Variants in C12orf42 observed in about 807,000 individuals in gnomAD.
The protein encoded by C12orf42 is uncharacterized protein C12orf42.
Under a neutral mutation model 21.6 loss-of-function variants are expected in C12orf42, and 25 were observed. That is an observed-to-expected ratio of 1.16 (90% CI 0.84 to 1.62). C12orf42 has a LOEUF of 1.62. C12orf42 is among the 40% of genes most tolerant of loss of function. C12orf42 has a pLI of 0.00. For synonymous variants in C12orf42, 174 were observed against 175.0 expected, an observed-to-expected ratio of 0.99 and a Z score of 0.05; for missense variants, 483 against 459.3, an observed-to-expected ratio of 1.05 and a Z score of -0.47.
At chr12:103,440,986 T>C (rs1006094323) in intron 2 of C12orf42, among the ~76,000 whole-genome samples, 1 of 152,228 alleles carries the variant, frequency 6.6e-6, no homozygotes, top group Non-Finnish European at 1.5e-5. Flanking sequence ...AATTTGGGAA[T>C]ATTAACACAT....
chr12:103,145,764 A>T, the C12orf42 span, among the ~76,000 whole-genome samples: 2,006 of 152,344 alleles, frequency 0.013, 21 homozygotes, highest in Middle Eastern at 0.031. Context: ...ACTATGGTAC[A>T]TCAAAATGAT....
chr12:103,238,717 C>T (rs1458020087), intron 10 of C12orf42, among the ~76,000 whole-genome samples: 1 of 152,088 alleles, frequency 6.6e-6, no homozygotes, highest in Non-Finnish European at 1.5e-5. Context: ...GGAATGAAGG[C>T]CCTATGAGTG....
chr12:103,309,280 C>T (rs2038708510), intron 4 of C12orf42, among the ~76,000 whole-genome samples: 1 of 152,174 alleles, frequency 6.6e-6, no homozygotes, highest in Non-Finnish European at 1.5e-5. Flanking sequence ...CTTCCTCTTC[C>T]TCCTCAGCCT....
chr12:103,270,107 G>A (rs2035371580), intron 5 of C12orf42: 1 of 152,058 alleles, frequency 6.6e-6, no homozygotes, highest in African/African-American at 2.4e-5. Flanking sequence ...ATTTTGAGCA[G>A]GGGAGCCATA....
chr12:103,326,766 C>T (rs992393935), intron 4 of C12orf42, among the ~76,000 whole-genome samples: 1 of 152,178 alleles, frequency 6.6e-6, no homozygotes, highest in Non-Finnish European at 1.5e-5. Flanking sequence ...TAAAATGACA[C>T]CTCTGAACTG....
rs764782955 is a variant in C12orf42, at chr12:103,302,413, C to A, written c.778G>T (p.Asp260Tyr). The change falls in exon 6 of 6, where the codon GAC becomes TAC. Residue 260 changes from aspartate to tyrosine, a missense_variant. By Grantham distance (160) the Asp-to-Tyr change is radical. Transcript: ENST00000548883. The part of the protein sequence containing the change: ...VPAGAQAHPD[D>Y]IQSRLLGASG... ...GCGCCCAGGAGTCTGCTTTGGATGT[C>A]GTCGGGGTGTGCCTGAGCGCCTGCT... 1.2e-6 allele frequency: 2 copies of A among 1,613,860 alleles called. No individual in the cohort carries two copies. The highest frequency in any genetic ancestry group is 1.7e-6 in the Non-Finnish European group (2 of 1,179,852).
the C12orf42 span, among the ~76,000 whole-genome samples, chr12:103,217,984 T>C: frequency 6.6e-6 from 1 of 152,094 alleles, no homozygotes; most frequent in Non-Finnish European, 1.5e-5. Flanking sequence ...TTTTCACTTA[T>C]AGAAACGAAA....
the C12orf42 span, among the ~76,000 whole-genome samples, chr12:103,049,147 C>T: frequency 6.6e-6 from 1 of 152,210 alleles, no homozygotes; most frequent in African/African-American, 2.4e-5. Flanking sequence ...GCCATTACCT[C>T]CTTAACATAT....
the C12orf42 span, among the ~76,000 whole-genome samples, chr12:103,080,006 C>T: frequency 3.3e-5 from 5 of 152,062 alleles, no homozygotes; most frequent in Admixed American, 2.0e-4. Flanking sequence ...TCTGGGACGG[C>T]GGTAGAGTTG....
At chr12:103,323,266 C>T (rs764770016) in intron 4 of C12orf42, among the ~76,000 whole-genome samples, 9 of 152,134 alleles carry the variant, frequency 5.9e-5, no homozygotes, top group East Asian at 1.9e-4. Context: ...TTCTGACTTA[C>T]GGCAACCCAT....
At chr12:103,211,041 AGT>A in the C12orf42 span, among the ~76,000 whole-genome samples, 1 of 152,074 alleles carries the variant, frequency 6.6e-6, no homozygotes, top group African/African-American at 2.4e-5. Flanking sequence ...ATTGTTCTTT[AGT>A]CTCAGCAAGC....
chr12:103,245,713 A>G (rs2033976807), intron 10 of C12orf42, among the ~76,000 whole-genome samples: 1 of 152,130 alleles, frequency 6.6e-6, no homozygotes, highest in East Asian at 1.9e-4. Context: ...CTTGATACAT[A>G]GAAGCCAATG....
chr12:103,126,196 A>C, the C12orf42 span, among the ~76,000 whole-genome samples: 1 of 152,184 alleles, frequency 6.6e-6, no homozygotes, highest in Non-Finnish European at 1.5e-5. Flanking sequence ...GCCCCAGGAA[A>C]CTGGATCAAA....
intron 4 of C12orf42, among the ~76,000 whole-genome samples, chr12:103,292,953 T>C (rs1391517604): frequency 2.0e-5 from 3 of 151,984 alleles, no homozygotes; most frequent in African/African-American, 4.8e-5. Context: ...GAGTCAAACA[T>C]GAGAAAACTA....
the C12orf42 span, among the ~76,000 whole-genome samples, chr12:103,224,718 T>A: frequency 2.0e-3 from 308 of 152,080 alleles, 2 homozygotes; most frequent in African/African-American, 7.2e-3. Flanking sequence ...TTGAGCATAG[T>A]TTGTGATTTT....
At chr12:103,501,003 C>T in the C12orf42 span, among the ~76,000 whole-genome samples, 4 of 152,214 alleles carry the variant, frequency 2.6e-5, no homozygotes, top group South Asian at 6.2e-4. Flanking sequence ...ATCATAATCA[C>T]ATTTCAAAGA....
the C12orf42 span, among the ~76,000 whole-genome samples, chr12:103,142,393 C>T: frequency 6.6e-6 from 1 of 152,148 alleles, no homozygotes; most frequent in African/African-American, 2.4e-5. Flanking sequence ...GAACAAAGAA[C>T]AGTTTACAAA....
the C12orf42 span, among the ~76,000 whole-genome samples, chr12:103,063,731 T>C: frequency 6.6e-6 from 1 of 152,118 alleles, no homozygotes; most frequent in African/African-American, 2.4e-5. Context: ...AGCAGGCCCC[T>C]AGTGGTGAGG....
chr12:103,174,707 A>C, the C12orf42 span, among the ~76,000 whole-genome samples: 1 of 152,230 alleles, frequency 6.6e-6, no homozygotes, highest in Non-Finnish European at 1.5e-5. Context: ...ATTATGATTC[A>C]TTTTTCTATC....
Sources: gnomAD v4.1 joint callset for allele counts (sites outside exome capture counted in the v4.1 genomes callset) on GRCh38, gnomAD v4.1.1 for gene constraint, MANE v1.5 for transcripts, NCBI Gene and HGNC (gene_info 2026-07-23, HGNC 2026-07-21) for gene names.